APAF1: variants seen among roughly 807,000 people sequenced by gnomAD.
APAF1 encodes apoptotic peptidase activating factor 1.
Under a neutral mutation model 152.4 loss-of-function variants are expected in APAF1, and 91 were observed. The ratio of observed to expected loss-of-function variants is 0.60; its 90% CI spans 0.50 to 0.71. The LOEUF (loss-of-function observed/expected upper bound fraction) is 0.71, where lower values mean the gene tolerates loss of function less well. Among genes scored for constraint, APAF1 ranks in the 30% least tolerant of loss-of-function variants. APAF1 has a pLI of 0.00. For missense variants in APAF1, 1,283 were observed against 1,472.0 expected (o/e 0.87, Z 2.10); for synonymous variants, 484 against 494.1 (o/e 0.98, Z 0.27).
In APAF1 at chr12:98,708,761, G is replaced by A. The variant is rs556515442; in HGVS notation, c.2841+57G>A. On this transcript the variant is annotated intron_variant, in intron 20 of 26. Coordinates refer to ENST00000551964, the MANE Select transcript of APAF1 (RefSeq NM_181861.2). ...TGTTTTGGTTGAATTTTCTATTCAC[G>A]GTTTTTCTTGTTTTTGGACTTGAGA... The A allele has an allele frequency of 8.9e-6, 14 of 1,579,252 alleles. No homozygotes were observed. The African/African-American group carries it at 9.4e-5, about 11-fold the overall frequency.
intron 16 of APAF1, among the ~76,000 whole-genome samples, chr12:98,689,739 T>C (rs1263093493): frequency 6.6e-6 from 1 of 152,162 alleles, no homozygotes; most frequent in Non-Finnish European, 1.5e-5. Flanking sequence ...ATCACAGACA[T>C]GAGCCACCAC....
chr12:98,662,341 T>G, intron 5 of APAF1, 115 bp from the exon 6 acceptor site: 1 of 747,830 alleles, frequency 1.3e-6, no homozygotes, highest in South Asian at 1.6e-5. Flanking sequence ...AGCCATCTAT[T>G]TGTTTTAAAA....
chr12:98,688,403 T>G (rs1371129259), intron 16 of APAF1, among the ~76,000 whole-genome samples: 6 of 152,140 alleles, frequency 3.9e-5, no homozygotes, highest in Admixed American at 3.9e-4. Flanking sequence ...CCATCTAAGA[T>G]GCATTCTGCA....
In APAF1 at chr12:98,659,316, G is replaced by T; in HGVS notation, c.683G>T (p.Arg228Leu). 1.9e-6 allele frequency: 3 copies of T among 1,614,124 alleles called. No homozygotes were observed. The highest frequency in any genetic ancestry group is 1.7e-6 in the Non-Finnish European group (2 of 1,180,008). ...ATTGAAGAGGCTAAAGACCGTCTCC[G>T]CATTCTGATGCTTCGCAAACACCCA... ...LNIEEAKDRL[R>L]ILMLRKHPRS... The change falls in exon 5 of 27, where the codon CGC becomes CTC. Residue 228 changes from arginine (R) to leucine (L), a missense_variant. By Grantham distance (102) the Arg-to-Leu change is moderately radical. Transcript: ENST00000551964.
intron 20 of APAF1, among the ~76,000 whole-genome samples, chr12:98,710,526 G>A (rs2097726819): frequency 6.6e-6 from 1 of 152,186 alleles, no homozygotes; most frequent in Non-Finnish European, 1.5e-5. Flanking sequence ...AGGTCTGAGA[G>A]GAAGCAGACA....
chr12:98,735,282 AT>A lies in APAF1; in HGVS notation c.*2725del, dbSNP rs879925687. On this transcript the variant is annotated 3_prime_UTR_variant, in exon 27 of 27. Coordinates refer to ENST00000551964, the MANE Select transcript of APAF1 (RefSeq NM_181861.2). The stretch of plus-strand genomic sequence containing the variant: ...AATTACATTGGACTTCATATATATA[AT>A]TTTTTTTTACATTATATGTCTCTTG... 5.2e-4 allele frequency: 206 copies of A among 396,566 alleles called. No homozygotes were observed. The highest frequency in any genetic ancestry group is 7.0e-4 in the Non-Finnish European group (157 of 225,310). 24.6% of individuals were successfully genotyped at this position (396,566 alleles called of 1,614,324 possible). A position where few individuals can be genotyped will look rare whatever the true frequency, so the allele number is the denominator to read the frequency against.
chr12:98,685,483 C>G (rs890429704), intron 15 of APAF1, among the ~76,000 whole-genome samples: 55 of 151,284 alleles, frequency 3.6e-4, no homozygotes, highest in African/African-American at 1.3e-3. Flanking sequence ...CTACAGGTGC[C>G]GTGCCACCAT....
Position 98,659,274 on chromosome 12 carries a change from A to G in APAF1, c.641A>G (p.Gln214Arg), listed in dbSNP as rs2097661668. Reference protein sequence around the residue: ...TRLDQDESFSQRLPLNIEEAK... With the variant: ...TRLDQDESFSRRLPLNIEEAK... ...TTGGATCAGGATGAGAGTTTTTCCC[A>G]GAGGCTTCCACTTAATATTGAAGAG... The change falls in exon 5 of 27, where the codon CAG (glutamine) becomes CGG (arginine). Residue 214 changes from glutamine (Q) to arginine (R), a missense_variant. Coordinates refer to ENST00000551964, the MANE Select transcript of APAF1 (RefSeq NM_181861.2). 6.2e-7 allele frequency: 1 copy of G among 1,614,218 alleles called. No homozygotes were observed.
At chr12:98,674,460 T>C (rs918116700) in intron 12 of APAF1, among the ~76,000 whole-genome samples, 28 of 152,084 alleles carry the variant, frequency 1.8e-4, no homozygotes, top group African/African-American at 6.8e-4. Context: ...TCTCTCTCTC[T>C]CTGAGAAGCA....
At position 98,699,465 on chromosome 12, in the gene APAF1, C is replaced by G. The variant is rs528458271; in HGVS notation, c.2362C>G (p.Leu788Val). The change falls in exon 17 of 27, where the codon CTA (leucine) becomes GTA (valine). Residue 788 changes from leucine to valine, a missense_variant. Leu to Val is a conservative substitution (Grantham distance 32, BLOSUM62 1). Coordinates refer to ENST00000551964, the MANE Select transcript of APAF1 (RefSeq NM_181861.2). ...RKSINVKQFF[L>V]NLEDPQEDME... ...AAGCATTAATGTGAAACAGTTCTTCCTAAATTTGGAGGACCCTCAAGAGGA... is the reference window on the plus strand; with the variant it reads ...AAGCATTAATGTGAAACAGTTCTTCGTAAATTTGGAGGACCCTCAAGAGGA... The G allele has an allele frequency of 6.2e-7, 1 of 1,614,044 alleles. No homozygotes were observed. The highest frequency in any genetic ancestry group is 1.1e-5 in the South Asian group (1 of 91,070).
At chr12:98,681,714 C>G (rs1309304474) in intron 14 of APAF1, among the ~76,000 whole-genome samples, 1 of 152,152 alleles carries the variant, frequency 6.6e-6, no homozygotes, top group Non-Finnish European at 1.5e-5. Flanking sequence ...GTAGTGTCTA[C>G]TCTGACTCTG....
chr12:98,690,632 A>C (rs1377910781), intron 16 of APAF1, among the ~76,000 whole-genome samples: 1 of 152,158 alleles, frequency 6.6e-6, no homozygotes, highest in African/African-American at 2.4e-5. Context: ...AAACTAGGCC[A>C]TTTATGTGTT....
Position 98,725,606 on chromosome 12 carries a change from G to A in APAF1, c.3456+66G>A, listed in dbSNP as rs76259518. 1,702 of 1,606,500 alleles carry A rather than the reference G, an allele frequency of 1.1e-3. 14 individuals carry two copies. The African/African-American group carries it at 0.02, about 19-fold the overall frequency. On this transcript the variant is annotated intron_variant, in intron 25 of 26. Coordinates refer to ENST00000551964, the MANE Select transcript of APAF1 (RefSeq NM_181861.2). ...GCTTGGGCTAGCACTGTTCACAGTG[G>A]GGACCTTTGTTCACGGGCCAGGGAA...
chr12:98,675,671 G>T (rs2097685721), intron 12 of APAF1, among the ~76,000 whole-genome samples: 1 of 152,126 alleles, frequency 6.6e-6, no homozygotes, highest in Non-Finnish European at 1.5e-5. Context: ...AGGAGGATGT[G>T]GTGGGTTACA....
Position 98,659,359 on chromosome 12 carries a change from T to A in APAF1, c.710+16T>A, listed in dbSNP as rs1014567935. On this transcript the variant is annotated intron_variant, in intron 5 of 26. Transcript: ENST00000551964. ...AACACCCAAGGTACCGATGGTCAAATTTAGTTGGTGTGTCAGGTCCCATGT... is the reference window on the plus strand; with the variant it reads ...AACACCCAAGGTACCGATGGTCAAAATTAGTTGGTGTGTCAGGTCCCATGT... 1.2e-6 allele frequency: 2 copies of A among 1,613,904 alleles called. No homozygotes were observed. The highest frequency in any genetic ancestry group is 1.3e-5 in the African/African-American group (1 of 75,040).
At chr12:98,681,556 G>T (rs1438690872) in intron 14 of APAF1, among the ~76,000 whole-genome samples, 1 of 152,146 alleles carries the variant, frequency 6.6e-6, no homozygotes, top group Non-Finnish European at 1.5e-5. Context: ...GCTAGGTGGA[G>T]TGGGCAAGAA....
intron 13 of APAF1, among the ~76,000 whole-genome samples, chr12:98,679,572 G>A (rs566284383): frequency 3.3e-5 from 5 of 152,228 alleles, no homozygotes; most frequent in East Asian, 1.9e-4. Flanking sequence ...CTTGCTTGCC[G>A]CATTGCAAGT....
At chr12:98,703,557 A>C in intron 18 of APAF1, 58 bp downstream of exon 18, 1 of 1,607,366 alleles carries the variant, frequency 6.2e-7, no homozygotes, top group South Asian at 1.1e-5. Context: ...AGGATGACAG[A>C]GAATGGGCAG....
At chr12:98,697,564 A>G (rs2097711245) in intron 16 of APAF1, among the ~76,000 whole-genome samples, 1 of 152,210 alleles carries the variant, frequency 6.6e-6, no homozygotes, top group African/African-American at 2.4e-5. Flanking sequence ...TGATTTCCGT[A>G]TTCATGTATG....
Sources: gnomAD v4.1 joint callset for allele counts (sites outside exome capture counted in the v4.1 genomes callset) on GRCh38, gnomAD v4.1.1 for gene constraint, MANE v1.5 for transcripts, NCBI Gene and HGNC (gene_info 2026-07-23, HGNC 2026-07-21) for gene names.